Variants in LY9 observed in about 807,000 individuals in gnomAD.
The protein encoded by LY9 is lymphocyte antigen 9, also known as T-lymphocyte surface antigen Ly-9.
LY9 carries 59 observed loss-of-function variants against 64.6 expected under a neutral mutation model. That is an observed-to-expected ratio of 0.91 (90% CI 0.74 to 1.13). LY9 has a LOEUF of 1.13. LY9 is among the 50% of genes most tolerant of loss of function. LY9 has a pLI of 0.00. For synonymous variants in LY9, 281 were observed against 308.5 expected (o/e 0.91, Z 0.93); for missense variants, 789 against 797.2 (o/e 0.99, Z 0.12).
chr1:160,805,034 G>C (rs555590948), intron 2 of LY9, among the ~76,000 whole-genome samples: 12 of 151,900 alleles, frequency 7.9e-5, no homozygotes, highest in Non-Finnish European at 1.6e-4. Context: ...AATTTTGTCT[G>C]TCTTTTCAAA....
At position 160,828,123 on chromosome 1, in the gene LY9, C is replaced by T. The variant is rs1265376172; in HGVS notation, c.*307C>T. On this transcript the variant is annotated 3_prime_UTR_variant, in exon 10 of 10. Coordinates refer to ENST00000263285, the MANE Select transcript of LY9 (RefSeq NM_002348.4). ...GACTGGTCAAATGTTGCTGAGGGGC[C>T]TGGACCAGCTGTCCTTTACACCACC... The T allele has an allele frequency of 5.1e-6, 1 of 195,470 alleles. No individual in the cohort carries two copies. Among genetic ancestry groups the T allele is most frequent in the African/African-American group, 2.3e-5 (1 of 42,908 alleles). The allele number at this position is 195,470 out of a possible 1,614,324, so 12.1% of individuals were successfully genotyped here.
intron 2 of LY9, among the ~76,000 whole-genome samples, chr1:160,805,739 TCTCACACACACA>T (rs1011097923): frequency 5.4e-5 from 6 of 111,858 alleles, no homozygotes; most frequent in African/African-American, 2.2e-4. Flanking sequence ...TCTCTCTCTG[TCTCACACACACA>T]CACACACACA....
rs769315030 is a variant in LY9, at chr1:160,799,849, A to G, written c.221A>G (p.Glu74Gly). Reference sequence around the variant, plus strand: ...CCCCTAAACATCTCAGTAGACACAGAGATTGAGAACGTCATCTGGATTGGT... The same window carrying G: ...CCCCTAAACATCTCAGTAGACACAGGGATTGAGAACGTCATCTGGATTGGT... ...TLPLNISVDT[E>G]IENVIWIGPK... Residue 74 changes from glutamate (E) to glycine (G), a missense_variant, in exon 2 of 10, where the codon GAG becomes GGG. Coordinates refer to ENST00000263285, the MANE Select transcript of LY9 (RefSeq NM_002348.4). 1 of 1,614,106 alleles carries G rather than the reference A, an allele frequency of 6.2e-7. No homozygotes were observed. Among genetic ancestry groups the G allele is most frequent in the Admixed American group, 1.7e-5 (1 of 60,030 alleles).
chr1:160,815,023 C>T lies in LY9; in HGVS notation c.1072+262C>T, dbSNP rs535958120. ...ACCACCCAACTTTAGGTGCTTGCCC[C>T]GGTCCTTCTGCACTGAGTGTCAGAA... On this transcript the variant is annotated intron_variant, in intron 4 of 9. Transcript: ENST00000263285. 20 of 507,392 alleles carry T rather than the reference C, an allele frequency of 3.9e-5. No individual in the cohort carries two copies. The Admixed American group carries it at 4.5e-4, about 11-fold the overall frequency. 31.4% of individuals were successfully genotyped at this position (507,392 alleles called of 1,614,324 possible).
chr1:160,804,710 C>G lies in LY9; in HGVS notation c.454+4628C>G, dbSNP rs2101757572. ...TGGTAGAATTTGGCTGTGACTCCATCAGTCTCGGGCTTTTCTCTGTTGGGA... is the reference window on the plus strand; with the variant it reads ...TGGTAGAATTTGGCTGTGACTCCATGAGTCTCGGGCTTTTCTCTGTTGGGA... On this transcript the variant is annotated intron_variant, in intron 2 of 9. Transcript: ENST00000263285. Among the ~76,000 whole-genome samples the G allele has an allele frequency of 2.0e-5, 3 of 152,292 alleles. No homozygotes were observed. In the South Asian group the frequency reaches 6.2e-4, roughly 32 times the overall value.
chr1:160,801,328 T>G (rs1666454209), intron 2 of LY9, among the ~76,000 whole-genome samples: 1 of 152,264 alleles, frequency 6.6e-6, no homozygotes, highest in African/African-American at 2.4e-5. Context: ...TTGAGCATTT[T>G]TAATATATCT....
intron 2 of LY9, among the ~76,000 whole-genome samples, chr1:160,805,341 T>C (rs1452585567): frequency 6.6e-6 from 1 of 152,140 alleles, no homozygotes; most frequent in Non-Finnish European, 1.5e-5. Context: ...ATTTCCATCT[T>C]AATTTCTTTG....
At chr1:160,823,971 C>G (rs948674265) in intron 8 of LY9, among the ~76,000 whole-genome samples, 175 bp downstream of exon 8, 1 of 152,144 alleles carries the variant, frequency 6.6e-6, no homozygotes, top group African/African-American at 2.4e-5. Context: ...TCCTGTGGAA[C>G]GAGGGACTTG....
Position 160,800,052 on chromosome 1 carries a change from A to C in LY9, c.424A>C (p.Thr142Pro). ...AAACCAAAGGAATTTTGAAGTCACC[A>C]CTGAGGAGGAATTCACCCTGTTCGT... ...QINQRNFEVT[T>P]EEEFTLFVYE... The change falls in exon 2 of 10, where the codon ACT becomes CCT. Residue 142 changes from threonine (T) to proline (P), a missense_variant. Thr to Pro is a conservative substitution (Grantham distance 38). Coordinates refer to ENST00000263285, the MANE Select transcript of LY9 (RefSeq NM_002348.4). The C allele has an allele frequency of 6.2e-7, 1 of 1,613,952 alleles. No homozygotes were observed. The highest frequency in any genetic ancestry group is 1.1e-5 in the South Asian group (1 of 91,078).
At chr1:160,801,899 G>C in intron 2 of LY9, 1 of 1,613,744 alleles carries the variant, frequency 6.2e-7, no homozygotes, top group Non-Finnish European at 8.5e-7. Flanking sequence ...AGCCACGTGT[G>C]AGCGTGCGGG....
intron 2 of LY9, among the ~76,000 whole-genome samples, chr1:160,808,468 G>A (rs543757493): frequency 7.2e-5 from 11 of 152,250 alleles, no homozygotes; most frequent in Admixed American, 2.0e-4. Flanking sequence ...GAGCAGTTCC[G>A]CCCCACAGTC....
Position 160,816,762 on chromosome 1 carries a change from T to C in LY9, c.1241T>C (p.Val414Ala), listed in dbSNP as rs773960321. Residue 414 changes from valine to alanine, a missense_variant, in exon 5 of 10, where the codon GTC becomes GCC. By Grantham distance (64) the Val-to-Ala change is moderately conservative. Coordinates refer to ENST00000263285, the MANE Select transcript of LY9 (RefSeq NM_002348.4). ...VVSQGESHLN[V>A]SWRSSENHPN... ...TCCCAAGGGGAATCACACCTCAATG[T>C]CTCATGGAGAAGCAGTGAAAATCAC... 3 of 1,614,186 alleles carry C rather than the reference T, an allele frequency of 1.9e-6. No homozygotes were observed. Among genetic ancestry groups the C allele is most frequent in the East Asian group, 2.2e-5 (1 of 44,886 alleles).
rs1292879527 is a variant in LY9, at chr1:160,800,059, A to C, written c.431A>C (p.Glu144Ala). The C allele has an allele frequency of 6.2e-7, 1 of 1,613,692 alleles. No individual in the cohort carries two copies. Among genetic ancestry groups the C allele is most frequent in the African/African-American group, 1.3e-5 (1 of 75,040 alleles). The change falls in exon 2 of 10, where the codon GAG becomes GCG. Residue 144 changes from glutamate to alanine, a missense_variant. By Grantham distance (107) the Glu-to-Ala change is moderately radical. Coordinates refer to ENST00000263285, the MANE Select transcript of LY9 (RefSeq NM_002348.4). ...AGGAATTTTGAAGTCACCACTGAGG[A>C]GGAATTCACCCTGTTCGTCTATGGT... ...NQRNFEVTTE[E>A]EFTLFVYEQL...
intron 1 of LY9, among the ~76,000 whole-genome samples, chr1:160,798,603 G>C (rs997279509): frequency 1.3e-5 from 2 of 152,036 alleles, no homozygotes; most frequent in African/African-American, 4.8e-5. Flanking sequence ...CCCTAGCCCT[G>C]CATGCTCCAT....
chr1:160,817,091 A>G (rs1252569142), intron 5 of LY9, among the ~76,000 whole-genome samples: 1 of 152,264 alleles, frequency 6.6e-6, no homozygotes, highest in Non-Finnish European at 1.5e-5. Context: ...GTTTTATTTA[A>G]CTGAATATAT....
At chr1:160,813,964 C>G (rs1667732061) in intron 3 of LY9, 53 bp downstream of exon 3, 1 of 1,563,980 alleles carries the variant, frequency 6.4e-7, no homozygotes, top group East Asian at 2.2e-5. Flanking sequence ...ATATGAGCAG[C>G]TGTGGAGTCT....
intron 8 of LY9, 105 bp from the exon 9 acceptor site, chr1:160,824,076 G>A (rs1668695301): frequency 1.4e-6 from 2 of 1,417,614 alleles, no homozygotes; most frequent in Non-Finnish European, 9.8e-7. Flanking sequence ...CACCCTGTGT[G>A]TGAGATGGGA....
At chr1:160,820,307 C>G (rs1383728906) in intron 7 of LY9, among the ~76,000 whole-genome samples, 1 of 152,140 alleles carries the variant, frequency 6.6e-6, no homozygotes, top group Non-Finnish European at 1.5e-5. Context: ...TGCCTTTACT[C>G]CCCCACTCCC....
At chr1:160,803,301 T>TAA (rs1553256966) in intron 2 of LY9, among the ~76,000 whole-genome samples, 3 of 151,646 alleles carry the variant, frequency 2.0e-5, no homozygotes, top group African/African-American at 7.3e-5. Context: ...TTTTTTTTTT[T>TAA]AAAAAGTATT....
Sources: gnomAD v4.1 joint callset for allele counts (sites outside exome capture counted in the v4.1 genomes callset) on GRCh38, gnomAD v4.1.1 for gene constraint, MANE v1.5 for transcripts, NCBI Gene and HGNC (gene_info 2026-07-23, HGNC 2026-07-21) for gene names.